Variants in MAML3 observed in about 807,000 individuals in gnomAD.
The protein encoded by MAML3 is mastermind like transcriptional coactivator 3, also known as mastermind-like protein 3.
Under a neutral mutation model 101.9 loss-of-function variants are expected in MAML3, and 27 were observed. The observed-to-expected ratio is 0.27, with a 90% confidence interval of 0.20 to 0.37. MAML3 has a LOEUF of 0.37. Ranked by LOEUF, MAML3 falls within the 10% of genes least tolerant of loss-of-function variation. MAML3 has a pLI of 1.00. For synonymous variants in MAML3, 501 were observed against 555.9 expected (o/e 0.90, Z 1.39); for missense variants, 1,316 against 1,444.9 (o/e 0.91, Z 1.45).
intron 1 of MAML3, among the ~76,000 whole-genome samples, chr4:139,930,620 G>A (rs776295252): frequency 6.6e-5 from 10 of 152,184 alleles, no homozygotes; most frequent in East Asian, 5.8e-4. Flanking sequence ...AAACTGTGAC[G>A]TGGTAATCAT....
chr4:139,733,294 GA>G (rs1183059487), intron 2 of MAML3, among the ~76,000 whole-genome samples: 1 of 152,220 alleles, frequency 6.6e-6, no homozygotes, highest in East Asian at 1.9e-4. Flanking sequence ...CCCAAGGGAA[GA>G]TAAAGTTTTC....
chr4:140,127,085 C>G (rs115403960), intron 1 of MAML3, among the ~76,000 whole-genome samples: 2 of 152,318 alleles, frequency 1.3e-5, no homozygotes, highest in Non-Finnish European at 2.9e-5. Context: ...GATAGTTTCT[C>G]TTCTCCTATG....
In MAML3 at chr4:139,905,491, C is replaced by CAAAAA. The variant is rs57898254; in HGVS notation, c.469-14529_469-14525dup. ...CGGGCGGCAGAGCAAGACTCTGTCT[C>CAAAAA]AAAAAAAAAAAAAAAAATCAGTTAA... is the stretch of plus-strand genomic sequence containing the variant. On this transcript the variant is annotated intron_variant, in intron 1 of 4. Coordinates refer to ENST00000509479, the MANE Select transcript of MAML3 (RefSeq NM_018717.5). 5.0e-5 allele frequency among the ~76,000 whole-genome samples: 4 copies of CAAAAA among 79,968 alleles called. 2 individuals are homozygous for CAAAAA. Among genetic ancestry groups the CAAAAA allele is most frequent in the Admixed American group, 3.4e-4 (2 of 5,912 alleles). 52.5% of individuals were successfully genotyped at this position (79,968 alleles called of 152,430 possible).
chr4:140,073,023 G>A (rs1428796549), intron 1 of MAML3, among the ~76,000 whole-genome samples: 1 of 152,116 alleles, frequency 6.6e-6, no homozygotes, highest in Non-Finnish European at 1.5e-5. Context: ...CAGAAAGTGT[G>A]TTTGTCTAGG....
chr4:139,861,863 C>T (rs1731790398), intron 2 of MAML3, among the ~76,000 whole-genome samples: 1 of 152,112 alleles, frequency 6.6e-6, no homozygotes, highest in African/African-American at 2.4e-5. Context: ...GCTGGTTTGG[C>T]CAGTGGTTAC....
chr4:140,066,430 G>T (rs1359737871), intron 1 of MAML3, among the ~76,000 whole-genome samples: 2 of 152,198 alleles, frequency 1.3e-5, no homozygotes, highest in African/African-American at 4.8e-5. Flanking sequence ...TCTACTTGCT[G>T]TTCTTGACAG....
chr4:139,725,905 C>T (rs1002168861), intron 3 of MAML3, 70 bp from the exon 4 acceptor site: 2 of 1,295,938 alleles, frequency 1.5e-6, no homozygotes, highest in Admixed American at 1.8e-5. Flanking sequence ...AATATCCCAG[C>T]AGTTCCGAGG....
intron 2 of MAML3, among the ~76,000 whole-genome samples, chr4:139,828,975 G>GAGGAAGGAAGGAAGGAAGGA (rs548032946): frequency 5.2e-5 from 7 of 135,198 alleles, no homozygotes; most frequent in Non-Finnish European, 1.1e-4. Context: ...CCTGTTGAAA[G>GAGGAAGGAAGGAAGGAAGGA]AGGAAGGAAG....
intron 1 of MAML3, among the ~76,000 whole-genome samples, chr4:140,150,652 C>T (rs369624804): frequency 6.6e-6 from 1 of 152,080 alleles, no homozygotes; most frequent in Non-Finnish European, 1.5e-5. Flanking sequence ...TACAAATACA[C>T]GAAAAGAGGA....
At chr4:139,866,501 A>G (rs1731901786) in intron 2 of MAML3, among the ~76,000 whole-genome samples, 1 of 152,210 alleles carries the variant, frequency 6.6e-6, no homozygotes, top group Non-Finnish European at 1.5e-5. Flanking sequence ...TTTGTAAACA[A>G]GGAAGATAAG....
intron 2 of MAML3, among the ~76,000 whole-genome samples, chr4:139,801,573 A>AAAG (rs1730603826): frequency 6.6e-6 from 1 of 152,088 alleles, no homozygotes; most frequent in Non-Finnish European, 1.5e-5. Context: ...AAAACTGAGA[A>AAAG]AAGATTTCAG....
intron 1 of MAML3, among the ~76,000 whole-genome samples, chr4:140,020,197 C>T (rs1294921318): frequency 5.3e-5 from 8 of 152,124 alleles, no homozygotes; most frequent in Non-Finnish European, 1.2e-4. Context: ...TAAGTATTAA[C>T]AAGGCCTGTG....
chr4:139,777,231 A>C (rs1730111270), intron 2 of MAML3, among the ~76,000 whole-genome samples: 1 of 152,182 alleles, frequency 6.6e-6, no homozygotes, highest in African/African-American at 2.4e-5. Flanking sequence ...TCTTAGACTT[A>C]ATATGTCCAA....
chr4:139,970,883 AG>A (rs1199401699), intron 1 of MAML3, among the ~76,000 whole-genome samples: 1 of 152,242 alleles, frequency 6.6e-6, no homozygotes, highest in East Asian at 1.9e-4. Context: ...TATGGCAGTC[AG>A]TCAAACATCC....
At chr4:140,122,398 C>T (rs925640220) in intron 1 of MAML3, among the ~76,000 whole-genome samples, 1 of 151,784 alleles carries the variant, frequency 6.6e-6, no homozygotes, top group South Asian at 2.1e-4. Context: ...CTTTTCATAT[C>T]TTTAATAGAG....
chr4:139,994,786 G>GTGTGTGTGT (rs1553968047), intron 1 of MAML3, among the ~76,000 whole-genome samples: 170 of 150,220 alleles, frequency 1.1e-3, no homozygotes, highest in African/African-American at 3.6e-3. Flanking sequence ...GCTGGTGGGG[G>GTGTGTGTGT]GTGTGTGTGT....
intron 1 of MAML3, among the ~76,000 whole-genome samples, chr4:140,007,718 A>T (rs1476580279): frequency 6.6e-6 from 1 of 152,156 alleles, no homozygotes; most frequent in Non-Finnish European, 1.5e-5. Flanking sequence ...TCCACAGCTA[A>T]CAGAGAGGCA....
At chr4:139,944,232 G>T (rs1458100197) in intron 1 of MAML3, among the ~76,000 whole-genome samples, 112 of 152,054 alleles carry the variant, frequency 7.4e-4, no homozygotes, top group Non-Finnish European at 1.3e-3. Context: ...ACATTGTGCA[G>T]GTTAGTTACA....
chr4:140,153,730 C>A lies in MAML3; in HGVS notation c.-403G>T, dbSNP rs570186196. 2.9e-4 allele frequency: 56 copies of A among 194,580 alleles called. No individual in the cohort carries two copies. Among genetic ancestry groups the A allele is most frequent in the African/African-American group, 1.3e-3 (55 of 42,480 alleles). 12.1% of individuals were successfully genotyped at this position (194,580 alleles called of 1,614,324 possible). A position where few individuals can be genotyped will look rare whatever the true frequency, so the allele number is the denominator to read the frequency against. On this transcript the variant is annotated 5_prime_UTR_variant, in exon 1 of 5. Transcript: ENST00000509479. ...ATTTCCGGTGGTTGGCAAGCATTTT[C>A]TCCCTACATACCGAAAAACACACCC... is the stretch of plus-strand genomic sequence containing the variant.
Sources: allele counts gnomAD v4.1 joint callset (sites outside exome capture counted in the v4.1 genomes callset), GRCh38; gene constraint gnomAD v4.1.1; transcripts MANE v1.5; gene names NCBI Gene and HGNC (gene_info 2026-07-23, HGNC 2026-07-21).